ARMC2: variants seen among roughly 807,000 people sequenced by gnomAD.
ARMC2 encodes armadillo repeat-containing protein 2.
Under a neutral mutation model 90.3 loss-of-function variants are expected in ARMC2, and 67 were observed. The ratio of observed to expected loss-of-function variants is 0.74; its 90% CI spans 0.61 to 0.91. ARMC2 has a LOEUF of 0.91. Among genes scored for constraint, ARMC2 ranks in the 40% least tolerant of loss-of-function variants. The pLI is 0.00. For missense variants in ARMC2, 920 were observed against 1,030.9 expected (o/e 0.89, Z 1.47); for synonymous variants, 393 against 393.0 (o/e 1.00, Z 0.00).
At chr6:108,904,139 A>G in intron 7 of ARMC2, 91 bp from the exon 8 acceptor site, 5 of 1,390,766 alleles carry the variant, frequency 3.6e-6, no homozygotes, top group African/African-American at 1.5e-5. Flanking sequence ...GGAAATAATT[A>G]TGGGGTTTTT....
intron 5 of ARMC2, among the ~76,000 whole-genome samples, chr6:108,881,544 TTTAA>T (rs1042468265): frequency 1.6e-4 from 25 of 152,278 alleles, no homozygotes; most frequent in African/African-American, 6.0e-4. Context: ...GTACTCAATA[TTTAA>T]TTAAAGATAT....
chr6:108,912,659 G>GCACCCACACCTGGC, intron 10 of ARMC2, 101 bp downstream of exon 10: 4 of 1,102,112 alleles, frequency 3.6e-6, no homozygotes, highest in Non-Finnish European at 5.2e-6. Context: ...CTACAGCCAG[G>GCACCCACACCTGGC]TGTGGGTGCC....
At chr6:108,982,185 A>G in the ARMC2 span, among the ~76,000 whole-genome samples, 1 of 152,146 alleles carries the variant, frequency 6.6e-6, no homozygotes, top group Admixed American at 6.5e-5. Flanking sequence ...TCAAGCTGAG[A>G]TAACAAAAAA....
At chr6:108,896,149 G>T (rs1771594043) in intron 6 of ARMC2, among the ~76,000 whole-genome samples, 1 of 152,024 alleles carries the variant, frequency 6.6e-6, no homozygotes, top group South Asian at 2.1e-4. Flanking sequence ...AGTTGCTAAG[G>T]ATTTTACATT....
At chr6:108,860,004 T>TA (rs140061937) in intron 3 of ARMC2, among the ~76,000 whole-genome samples, 2,136 of 135,800 alleles carry the variant, frequency 0.016, 21 homozygotes, top group African/African-American at 0.026. Flanking sequence ...AACTCTGTCT[T>TA]AAAAAAAAAA....
chr6:108,912,297 TATACTC>T (rs1773516795), intron 9 of ARMC2, 32 bp from the exon 10 acceptor site: 11 of 1,441,212 alleles, frequency 7.6e-6, no homozygotes, highest in South Asian at 6.2e-5. Context: ...CTCCAGCTGT[TATACTC>T]AGACATTTAT....
At chr6:109,015,115 AGTTCACTATTCAG>A in the ARMC2 span, among the ~76,000 whole-genome samples, 1 of 152,300 alleles carries the variant, frequency 6.6e-6, no homozygotes, top group African/African-American at 2.4e-5. Flanking sequence ...ATGAATTTCA[AGTTCACTATTCAG>A]GTAAACATTT....
At chr6:108,901,554 G>A (rs1772162757) in intron 7 of ARMC2, among the ~76,000 whole-genome samples, 1 of 151,616 alleles carries the variant, frequency 6.6e-6, no homozygotes, top group Admixed American at 6.6e-5. Context: ...TGGCTGGGAT[G>A]ACAGGTGCGC....
intron 10 of ARMC2, among the ~76,000 whole-genome samples, chr6:108,913,046 A>G (rs1251199335): frequency 6.6e-6 from 1 of 152,220 alleles, no homozygotes; most frequent in Non-Finnish European, 1.5e-5. Context: ...TGCAGGGAAC[A>G]AAACTGGACG....
At chr6:108,921,394 T>C (rs1774552685) in intron 10 of ARMC2, among the ~76,000 whole-genome samples, 1 of 152,176 alleles carries the variant, frequency 6.6e-6, no homozygotes, top group African/African-American at 2.4e-5. Context: ...CGGACACCCA[T>C]GGTAGGGATG....
the ARMC2 span, among the ~76,000 whole-genome samples, chr6:108,984,424 T>C: frequency 1.3e-5 from 2 of 152,158 alleles, no homozygotes; most frequent in African/African-American, 2.4e-5. Context: ...ACTCTAGCTG[T>C]GTCCTTTCAT....
At chr6:108,987,536 G>A in the ARMC2 span, 2 of 1,510,556 alleles carry the variant, frequency 1.3e-6, no homozygotes, top group Non-Finnish European at 1.8e-6. Context: ...TTTAATGAAG[G>A]AAAGGCATCA....
At chr6:108,884,654 G>A (rs768637025) in intron 5 of ARMC2, among the ~76,000 whole-genome samples, 1 of 152,196 alleles carries the variant, frequency 6.6e-6, no homozygotes, top group Admixed American at 6.5e-5. Flanking sequence ...GCAAGCCATA[G>A]CGCTGAGCAG....
intron 5 of ARMC2, chr6:108,879,788 A>C (rs954704926): frequency 1.3e-5 from 5 of 386,722 alleles, no homozygotes; most frequent in Non-Finnish European, 2.5e-5. Flanking sequence ...GAGGAGCCAG[A>C]ATCTCTGGAT....
In ARMC2 at chr6:108,910,901, T is replaced by G. The variant is rs746186873; in HGVS notation, c.1026T>G (p.Leu342=). The G allele has an allele frequency of 3.3e-6, 5 of 1,513,428 alleles. No individual in the cohort carries two copies. Among genetic ancestry groups the G allele is most frequent in the Non-Finnish European group, 4.5e-6 (5 of 1,111,426 alleles). The allele number at this position is 1,513,428 out of a possible 1,614,324, so 93.7% of individuals were successfully genotyped here. A position where few individuals can be genotyped will look rare whatever the true frequency, so the allele number is the denominator to read the frequency against. ...SLKLAKIILA[L]KVSRKNLLNV... Reference sequence around the variant, plus strand: ...GAGATGTGTTTCTTTCTCTGCAGCTTAAAGTGAGTAGAAAGAATCTTCTTA... The same window carrying G: ...GAGATGTGTTTCTTTCTCTGCAGCTGAAAGTGAGTAGAAAGAATCTTCTTA... Residue 342 remains leucine (L), a splice_region_variant and synonymous_variant, in exon 9 of 18, where the codon CTT becomes CTG. Transcript: ENST00000392644.
chr6:108,886,089 A>G (rs972703662), intron 5 of ARMC2, among the ~76,000 whole-genome samples: 2 of 152,264 alleles, frequency 1.3e-5, no homozygotes, highest in African/African-American at 4.8e-5. Context: ...TGGCAAGGAT[A>G]AGTTTAGTTC....
chr6:109,024,893 A>C, the ARMC2 span, among the ~76,000 whole-genome samples: 1 of 152,234 alleles, frequency 6.6e-6, no homozygotes, highest in Non-Finnish European at 1.5e-5. Flanking sequence ...GAACTATCAC[A>C]AATTGGAGAC....
At chr6:108,982,588 A>G in the ARMC2 span, among the ~76,000 whole-genome samples, 4 of 152,190 alleles carry the variant, frequency 2.6e-5, no homozygotes, top group African/African-American at 7.2e-5. Flanking sequence ...ATTGTTACCA[A>G]TGCCACATAA....
intron 4 of ARMC2, among the ~76,000 whole-genome samples, chr6:108,874,778 C>G (rs1463373326): frequency 1.3e-5 from 2 of 151,760 alleles, no homozygotes; most frequent in Non-Finnish European, 2.9e-5. Flanking sequence ...GTGGTCCTGG[C>G]TCTCCCTGTG....
Sources: allele counts gnomAD v4.1 joint callset (sites outside exome capture counted in the v4.1 genomes callset), GRCh38; gene constraint gnomAD v4.1.1; transcripts MANE v1.5; gene names NCBI Gene and HGNC (gene_info 2026-07-23, HGNC 2026-07-21).